Variants in ST8SIA2 observed in about 807,000 individuals in gnomAD.
The protein encoded by ST8SIA2 is alpha-2,8-sialyltransferase 8B.
ST8SIA2 carries 22 observed loss-of-function variants against 37.6 expected under a neutral mutation model. That is an observed-to-expected ratio of 0.58 (90% CI 0.42 to 0.83). The LOEUF is 0.83. ST8SIA2 is among the 40% of genes least tolerant of loss of function. The pLI, the probability that ST8SIA2 is intolerant of heterozygous loss-of-function variation, is 0.00. For missense variants in ST8SIA2, 382 were observed against 484.7 expected, an observed-to-expected ratio of 0.79 and a Z score of 1.99; for synonymous variants, 205 against 201.2, an observed-to-expected ratio of 1.02 and a Z score of -0.16.
chr15:92,420,088 A>C (rs1156503120), intron 1 of ST8SIA2, among the ~76,000 whole-genome samples: 1 of 152,128 alleles, frequency 6.6e-6, no homozygotes, highest in Non-Finnish European at 1.5e-5. Context: ...GATGGTCTCG[A>C]TCTATTGACT....
At chr15:92,425,953 G>A (rs1044534902) in intron 1 of ST8SIA2, among the ~76,000 whole-genome samples, 2 of 152,114 alleles carry the variant, frequency 1.3e-5, no homozygotes, top group Non-Finnish European at 2.9e-5. Context: ...CCCTGAGAGG[G>A]GCAGTTTCTC....
At chr15:92,432,571 G>T (rs577005033) in intron 2 of ST8SIA2, among the ~76,000 whole-genome samples, 2 of 152,146 alleles carry the variant, frequency 1.3e-5, no homozygotes, top group Non-Finnish European at 2.9e-5. Context: ...TACCCAATGC[G>T]TCTTGCATGA....
intron 1 of ST8SIA2, chr15:92,422,283 T>C (rs768477364): frequency 6.6e-5 from 10 of 152,260 alleles, no homozygotes; most frequent in Non-Finnish European, 1.3e-4. Flanking sequence ...CCAGATGTCC[T>C]TAGCAGTTAC....
chr15:92,441,002 G>A (rs138056553), intron 4 of ST8SIA2, among the ~76,000 whole-genome samples: 31 of 152,296 alleles, frequency 2.0e-4, no homozygotes, highest in Non-Finnish European at 3.8e-4. Flanking sequence ...TGGGCCTCCC[G>A]TACAAGGCTG....
Position 92,467,247 on chromosome 15 carries a change from T to G in ST8SIA2, c.*2862T>G, listed in dbSNP as rs1280937917. On this transcript the variant is annotated 3_prime_UTR_variant, in exon 6 of 6. Transcript: ENST00000268164. ...TTCTGAGAAACGTCATCCCCACCAG[T>G]TAACGTTTCCTGTACACCCTCACCC... 3.3e-5 allele frequency: 5 copies of G among 153,368 alleles called. No individual in the cohort carries two copies. The highest frequency in any genetic ancestry group is 7.3e-5 in the Non-Finnish European group (5 of 68,146). The allele number at this position is 153,368 out of a possible 1,614,324, so 9.5% of individuals were successfully genotyped here. A position where few individuals can be genotyped will look rare whatever the true frequency, so the allele number is the denominator to read the frequency against.
intron 4 of ST8SIA2, 27 bp downstream of exon 4, chr15:92,438,637 G>A (rs1440858116): frequency 2.5e-6 from 4 of 1,577,336 alleles, no homozygotes; most frequent in Non-Finnish European, 3.4e-6. Context: ...GGCACTCTGG[G>A]GCCAGAGCGG....
At chr15:92,428,973 G>A (rs3858919) in intron 1 of ST8SIA2, among the ~76,000 whole-genome samples, 7,077 of 152,258 alleles carry the variant, frequency 0.046, 532 homozygotes, top group African/African-American at 0.16. Flanking sequence ...ATATATACAA[G>A]TATGTGAATC....
intron 1 of ST8SIA2, among the ~76,000 whole-genome samples, chr15:92,418,975 A>G (rs1312266970): frequency 6.6e-6 from 1 of 152,112 alleles, no homozygotes; most frequent in African/African-American, 2.4e-5. Flanking sequence ...ATCCTTTGTC[A>G]TGTCTCTTAG....
intron 3 of ST8SIA2, among the ~76,000 whole-genome samples, chr15:92,437,391 C>A (rs2049766471): frequency 6.6e-6 from 1 of 152,176 alleles, no homozygotes; most frequent in South Asian, 2.1e-4. Flanking sequence ...GCTAAGAGGA[C>A]ACCCATCCCT....
rs947332699 is a variant in ST8SIA2 at position 92,435,900 on chromosome 15, G to GA, written c.290+1528dup. 3.3e-5 allele frequency among the ~76,000 whole-genome samples: 5 copies of GA among 152,222 alleles called. No individual in the cohort carries two copies. The South Asian group carries it at 6.2e-4, about 19-fold the overall frequency. On this transcript the variant is annotated intron_variant, in intron 3 of 5. Coordinates refer to ENST00000268164, the MANE Select transcript of ST8SIA2 (RefSeq NM_006011.4). The stretch of plus-strand genomic sequence containing the variant: ...AACGCGGCGGCGGCCTAAAACAACA[G>GA]AAATGTATTCTTGCACCGCTCTGGA...
chr15:92,408,675 T>G (rs2049526053), intron 1 of ST8SIA2, among the ~76,000 whole-genome samples: 1 of 112,694 alleles, frequency 8.9e-6, no homozygotes, highest in South Asian at 2.6e-4. Context: ...GAGTTCCATT[T>G]TTTTTATTTA....
chr15:92,426,639 G>A (rs2049678110), intron 1 of ST8SIA2, among the ~76,000 whole-genome samples: 1 of 152,208 alleles, frequency 6.6e-6, no homozygotes, highest in Non-Finnish European at 1.5e-5. Flanking sequence ...CTGGGGGTGG[G>A]GCTGTGAGGA....
intron 4 of ST8SIA2, among the ~76,000 whole-genome samples, chr15:92,439,163 G>A (rs1056952173): frequency 1.3e-5 from 2 of 152,096 alleles, no homozygotes; most frequent in Non-Finnish European, 2.9e-5. Flanking sequence ...ACAAAAGGTT[G>A]GTAAGAAAAT....
chr15:92,416,999 G>A (rs1027712548), intron 1 of ST8SIA2, among the ~76,000 whole-genome samples: 1 of 152,182 alleles, frequency 6.6e-6, no homozygotes, highest in Non-Finnish European at 1.5e-5. Context: ...TTTCCAAGGG[G>A]ACTTGTCAAA....
intron 2 of ST8SIA2, among the ~76,000 whole-genome samples, chr15:92,433,196 CTT>C (rs1024813527): frequency 3.8e-4 from 58 of 151,986 alleles, no homozygotes; most frequent in African/African-American, 1.4e-3. Context: ...AGGATTTCAT[CTT>C]TTTTAACTTG....
intron 4 of ST8SIA2, among the ~76,000 whole-genome samples, chr15:92,441,025 G>A (rs901250550): frequency 6.6e-6 from 1 of 152,244 alleles, no homozygotes; most frequent in African/African-American, 2.4e-5. Flanking sequence ...CCAGGCCAGA[G>A]GAGGGCCTCC....
chr15:92,408,723 T>C (rs2141807069), intron 1 of ST8SIA2, among the ~76,000 whole-genome samples: 1 of 150,572 alleles, frequency 6.6e-6, no homozygotes, highest in South Asian at 2.1e-4. Context: ...ATTTATTTAT[T>C]GAGATGGAGT....
In ST8SIA2 at chr15:92,465,299, AGTCTCT is replaced by A. The variant is rs2049984343; in HGVS notation, c.*920_*925del. ...ACCCTGGGATTTCACCCTCTGGGTT[AGTCTCT>A]GTCTCACCCTGTTAGAATGTCACGA... On this transcript the variant is annotated 3_prime_UTR_variant, in exon 6 of 6. Transcript: ENST00000268164. The A allele has an allele frequency of 2.0e-5, 3 of 152,300 alleles. No individual in the cohort carries two copies. The highest frequency in any genetic ancestry group is 2.0e-4 in the Admixed American group (3 of 15,302). 9.4% of individuals were successfully genotyped at this position (152,300 alleles called of 1,614,324 possible).
At chr15:92,409,314 AC>A (rs2049532497) in intron 1 of ST8SIA2, among the ~76,000 whole-genome samples, 1 of 152,186 alleles carries the variant, frequency 6.6e-6, no homozygotes, top group Non-Finnish European at 1.5e-5. Flanking sequence ...GCTTAATGGT[AC>A]CTAATCTTAC....
Sources: allele counts gnomAD v4.1 joint callset (sites outside exome capture counted in the v4.1 genomes callset), GRCh38; gene constraint gnomAD v4.1.1; transcripts MANE v1.5; gene names NCBI Gene and HGNC (gene_info 2026-07-23, HGNC 2026-07-21).